The following MROH1 variants were observed in gnomAD, a reference collection of about 807,000 sequenced individuals.
MROH1 encodes maestro heat like repeat family member 1.
MROH1 carries 117 observed loss-of-function variants against 116.5 expected under a neutral mutation model. The ratio of observed to expected loss-of-function variants is 1.00; its 90% CI spans 0.86 to 1.17. The LOEUF is 1.17. MROH1 is among the 50% of genes most tolerant of loss of function. The pLI is 0.00. For synonymous variants in MROH1, 921 were observed against 583.9 expected, an observed-to-expected ratio of 1.58 and a Z score of -8.32; for missense variants, 1,873 against 1,338.5, an observed-to-expected ratio of 1.40 and a Z score of -6.23.
At chr8:144,156,708 CAAAAAAAAAAAA>C (rs1176108997) in intron 1 of MROH1, among the ~76,000 whole-genome samples, 1 of 56,134 alleles carries the variant, frequency 1.8e-5, no homozygotes, top group African/African-American at 6.4e-5. Flanking sequence ...GACTCTGTCT[CAAAAAAAAAAAA>C]AAAAAAAAAA....
chr8:144,171,533 A>G lies in MROH1; in HGVS notation c.168+3093A>G, dbSNP rs187735565. 7.9e-5 allele frequency among the ~76,000 whole-genome samples: 12 copies of G among 152,298 alleles called. 2 individuals are homozygous for G. Among genetic ancestry groups the G allele is most frequent in the African/African-American group, 2.9e-4 (12 of 41,562 alleles). ...CTTCCCTTACCAGCCAAGTGTTTCT[A>G]GAGGAGGGCCATATACCGGTTAAAC... On this transcript the variant is annotated intron_variant, in intron 4 of 43. Transcript: ENST00000326134.
chr8:144,255,933 G>A (rs1034554297), intron 35 of MROH1, among the ~76,000 whole-genome samples: 11 of 152,238 alleles, frequency 7.2e-5, no homozygotes, highest in South Asian at 2.1e-4. Flanking sequence ...TCGCCTCTGC[G>A]GGCGGTCTGC....
At chr8:144,160,356 G>A (rs1036771574) in intron 1 of MROH1, among the ~76,000 whole-genome samples, 1 of 152,128 alleles carries the variant, frequency 6.6e-6, no homozygotes, top group African/African-American at 2.4e-5. Context: ...CTGGGAGCAG[G>A]CCCCATTCCT....
At chr8:144,156,758 A>G (rs1315149134) in intron 1 of MROH1, among the ~76,000 whole-genome samples, 1 of 146,096 alleles carries the variant, frequency 6.8e-6, no homozygotes, top group Non-Finnish European at 1.5e-5. Flanking sequence ...TCCATAAGGA[A>G]TATTGCTTTG....
At chr8:144,160,137 TTC>T (rs1819161902) in intron 1 of MROH1, among the ~76,000 whole-genome samples, 1 of 152,358 alleles carries the variant, frequency 6.6e-6, no homozygotes, top group African/African-American at 2.4e-5. Flanking sequence ...ATTTTTGTGT[TTC>T]TGTTAGTATT....
rs1346670192 is a variant in MROH1 at position 144,244,286 on chromosome 8, A to G, written c.2620A>G (p.Ile874Val). ...ADVIHGCLHS[I>V]MALLPEPKEE... ...TGTGATCCATGGCTGCCTGCACAGC[A>G]TCATGGCCCTGCTGCCTGAGCCCAA... Residue 874 changes from isoleucine (I) to valine (V), a missense_variant, in exon 27 of 44, where the codon ATC becomes GTC. Coordinates refer to ENST00000326134, the MANE Select transcript of MROH1 (RefSeq NM_032450.3). 1.4e-6 allele frequency: 1 copy of G among 719,394 alleles called. No homozygotes were observed. 44.6% of individuals were successfully genotyped at this position (719,394 alleles called of 1,614,324 possible). A position where few individuals can be genotyped will look rare whatever the true frequency, so the allele number is the denominator to read the frequency against.
intron 12 of MROH1, among the ~76,000 whole-genome samples, chr8:144,220,194 C>T (rs1261331847): frequency 6.6e-6 from 1 of 152,214 alleles, no homozygotes; most frequent in Non-Finnish European, 1.5e-5. Context: ...GTGAGAAATG[C>T]ACACCTGAGC....
At chr8:144,203,948 CA>C (rs1435309941) in intron 12 of MROH1, among the ~76,000 whole-genome samples, 1 of 152,182 alleles carries the variant, frequency 6.6e-6, no homozygotes, top group Non-Finnish European at 1.5e-5. Flanking sequence ...TTGTTTTCCC[CA>C]TATTTCATTT....
rs1161565694 is a variant in MROH1 at position 144,200,438 on chromosome 8, G to T, written c.1038G>T (p.Ser346=). ...LRCFTVLACS[S]PDRLLAFLLP... is the part of the protein sequence containing the mutation. Reference sequence around the variant, plus strand: ...CCCGTTGCCCTGTAGCCTGCAGCTCGCCTGACCGCCTACTGGCCTTCCTGC... The same window carrying T: ...CCCGTTGCCCTGTAGCCTGCAGCTCTCCTGACCGCCTACTGGCCTTCCTGC... Residue 346 remains serine (S), a synonymous_variant, in exon 12 of 44, where the codon TCG becomes TCT. Coordinates refer to ENST00000326134, the MANE Select transcript of MROH1 (RefSeq NM_032450.3). The T allele has an allele frequency of 2.6e-6, 4 of 1,549,470 alleles. No homozygotes were observed. Among genetic ancestry groups the T allele is most frequent in the African/African-American group, 1.4e-5 (1 of 73,094 alleles).
At chr8:144,200,610 T>A (rs1194229070) in intron 12 of MROH1, 69 bp downstream of exon 12, 1 of 1,086,014 alleles carries the variant, frequency 9.2e-7, no homozygotes, top group South Asian at 1.3e-5. Context: ...TCCTGGCAGA[T>A]TGTGTCCCTC....
chr8:144,197,107 C>T (rs1830085067), intron 10 of MROH1, among the ~76,000 whole-genome samples: 1 of 152,064 alleles, frequency 6.6e-6, no homozygotes, highest in Non-Finnish European at 1.5e-5. Context: ...AAAACAACAA[C>T]AACAACAACA....
chr8:144,158,678 A>G (rs1188091955), intron 1 of MROH1, among the ~76,000 whole-genome samples: 1 of 151,788 alleles, frequency 6.6e-6, no homozygotes, highest in East Asian at 1.9e-4. Context: ...TCTTTCTCTT[A>G]TTGATATATT....
At position 144,172,601 on chromosome 8, in the gene MROH1, G is replaced by A. The variant is rs761780879; in HGVS notation, c.168+4161G>A. ...AATTTTTGTATTTTTAGTAGAGACC[G>A]GGTTTCACCGTGTTGGTCAGGCAGG... On this transcript the variant is annotated intron_variant, in intron 4 of 43. Transcript: ENST00000326134. Among the ~76,000 whole-genome samples, 63 of 152,066 alleles carry A rather than the reference G, an allele frequency of 4.1e-4. 1 individual carries two copies. The highest frequency in any genetic ancestry group is 7.9e-4 in the Non-Finnish European group (54 of 67,998).
At chr8:144,224,664 A>G (rs1837460921) in intron 14 of MROH1, among the ~76,000 whole-genome samples, 3 of 152,174 alleles carry the variant, frequency 2.0e-5, no homozygotes, top group Admixed American at 2.0e-4. Flanking sequence ...CGACCTTTCT[A>G]CTTTTGCATG....
chr8:144,256,877 T>C (rs1183475619), intron 35 of MROH1, among the ~76,000 whole-genome samples: 4 of 152,252 alleles, frequency 2.6e-5, no homozygotes, highest in African/African-American at 4.8e-5. Context: ...ATTTGCAGCC[T>C]GGAGCGCAGC....
chr8:144,247,683 C>A lies in MROH1; in HGVS notation c.3120+4C>A. ...CACCTGCCACAGTGTAGGCCAGGTACCAGCTGGGAGCTCTGCGGCCGGAAG... is the reference window on the plus strand; with the variant it reads ...CACCTGCCACAGTGTAGGCCAGGTAACAGCTGGGAGCTCTGCGGCCGGAAG... On this transcript the variant is annotated splice_donor_region_variant and intron_variant, in intron 31 of 43. Transcript: ENST00000326134. 1 of 762,094 alleles carries A rather than the reference C, an allele frequency of 1.3e-6. No homozygotes were observed. The highest frequency in any genetic ancestry group is 1.7e-5 in the Admixed American group (1 of 58,316). The allele number at this position is 762,094 out of a possible 1,614,324, so 47.2% of individuals were successfully genotyped here.
In MROH1 at chr8:144,241,449, G is replaced by A. The variant is rs1840965272; in HGVS notation, c.2110G>A (p.Ala704Thr). The change falls in exon 22 of 44, where the codon GCC (alanine) becomes ACC (threonine). Residue 704 changes from alanine (A) to threonine (T), a missense_variant. Physicochemically the swap from Ala to Thr is moderately conservative, Grantham distance 58 (BLOSUM62 0). Coordinates refer to ENST00000326134, the MANE Select transcript of MROH1 (RefSeq NM_032450.3). ...CAISHLEDTL[A>T]QLEDFVRSEV... is the part of the protein sequence containing the mutation. ...CATCTCCCACCTCGAGGACACGCTG[G>A]CCCAGCTGGAGGACTTCGTGAGGTC... 1.3e-6 allele frequency: 1 copy of A among 778,678 alleles called. No homozygotes were observed. The highest frequency in any genetic ancestry group is 1.7e-5 in the African/African-American group (1 of 59,186). The allele number at this position is 778,678 out of a possible 1,614,324, so 48.2% of individuals were successfully genotyped here.
At chr8:144,219,094 C>G (rs1032796638) in intron 12 of MROH1, among the ~76,000 whole-genome samples, 1 of 151,184 alleles carries the variant, frequency 6.6e-6, no homozygotes, top group Non-Finnish European at 1.5e-5. Flanking sequence ...GCGATCTCAG[C>G]TCACTGCAAG....
intron 1 of MROH1, among the ~76,000 whole-genome samples, chr8:144,157,981 A>ATTTC (rs1343463847): frequency 1.6e-4 from 12 of 76,664 alleles, no homozygotes; most frequent in African/African-American, 4.9e-4. Context: ...CTGGCCATCT[A>ATTTC]TTTCTTTCTT....
Sources: gnomAD v4.1 joint callset for allele counts (sites outside exome capture counted in the v4.1 genomes callset) on GRCh38, gnomAD v4.1.1 for gene constraint, MANE v1.5 for transcripts, NCBI Gene and HGNC (gene_info 2026-07-23, HGNC 2026-07-21) for gene names.